EVI5: variants seen among roughly 807,000 people sequenced by gnomAD.
EVI5 encodes ecotropic viral integration site 5 protein homolog.
A neutral mutation model predicts 112.0 loss-of-function variants in EVI5; 73 were observed. The ratio of observed to expected loss-of-function variants is 0.65; its 90% confidence interval spans 0.54 to 0.79. The LOEUF (loss-of-function observed/expected upper bound fraction) is 0.79, where lower values mean the gene tolerates loss of function less well. EVI5 is among the 30% of genes least tolerant of loss of function. EVI5 has a pLI of 0.00. For missense variants in EVI5, 900 were observed against 968.8 expected, an observed-to-expected ratio of 0.93 and a Z score of 0.94; for synonymous variants, 305 against 319.9, an observed-to-expected ratio of 0.95 and a Z score of 0.50.
intron 2 of EVI5, among the ~76,000 whole-genome samples, chr1:92,715,970 G>T (rs891768007): frequency 1.3e-5 from 2 of 152,118 alleles, no homozygotes; most frequent in Non-Finnish European, 2.9e-5. Flanking sequence ...GCTCAAACTT[G>T]TCGGAGCCCA....
rs1659238082 is a variant in EVI5 at position 92,512,366 on chromosome 1, G to T, written c.*1290C>A. On this transcript the variant is annotated 3_prime_UTR_variant, in exon 20 of 20. Coordinates refer to ENST00000684568, the MANE Select transcript of EVI5 (RefSeq NM_001350197.2). ...AACCTCTTCAGTCATGAAAAATTTA[G>T]TAGTTACATACACATGAAATAAAAG... The T allele has an allele frequency of 6.6e-6, 1 of 152,366 alleles. No individual in the cohort carries two copies. Among genetic ancestry groups the T allele is most frequent in the South Asian group, 2.1e-4 (1 of 4,826 alleles). The allele number at this position is 152,366 out of a possible 1,614,324, so 9.4% of individuals were successfully genotyped here. A position where few individuals can be genotyped will look rare whatever the true frequency, so the allele number is the denominator to read the frequency against.
At chr1:92,767,753 T>C (rs1019148440) in intron 1 of EVI5, among the ~76,000 whole-genome samples, 1 of 152,234 alleles carries the variant, frequency 6.6e-6, no homozygotes, top group African/African-American at 2.4e-5. Context: ...TTTACTGTTG[T>C]AACATTCCAG....
At chr1:92,691,895 A>T (rs1669559649) in intron 9 of EVI5, among the ~76,000 whole-genome samples, 1 of 152,204 alleles carries the variant, frequency 6.6e-6, no homozygotes, top group Non-Finnish European at 1.5e-5. Context: ...ATATAGCAAA[A>T]AGGGGATGGG....
chr1:92,677,007 T>C (rs1298156214), intron 10 of EVI5, 151 bp downstream of exon 10: 1 of 568,906 alleles, frequency 1.8e-6, no homozygotes, highest in Non-Finnish European at 3.0e-6. Context: ...TTCAGTCGCA[T>C]TATTCTGCTT....
At chr1:92,646,086 C>T (rs1265776009) in intron 13 of EVI5, among the ~76,000 whole-genome samples, 1 of 152,188 alleles carries the variant, frequency 6.6e-6, no homozygotes, top group Admixed American at 6.5e-5. Flanking sequence ...CCCATAAACT[C>T]GTCTTCTACT....
intron 1 of EVI5, among the ~76,000 whole-genome samples, chr1:92,767,898 G>A (rs1475844762): frequency 6.6e-6 from 1 of 152,098 alleles, no homozygotes; most frequent in Non-Finnish European, 1.5e-5. Context: ...TGGCCAATGT[G>A]GCGAAACACT....
chr1:92,719,454 T>C (rs1407287250), intron 2 of EVI5, among the ~76,000 whole-genome samples: 1 of 152,034 alleles, frequency 6.6e-6, no homozygotes, highest in Non-Finnish European at 1.5e-5. Flanking sequence ...ACCACATGAT[T>C]ATCTCAATAG....
At chr1:92,648,190 C>CAAAAAAAAAAAAAAAAA (rs961901260) in intron 13 of EVI5, among the ~76,000 whole-genome samples, 1 of 24,068 alleles carries the variant, frequency 4.2e-5, no homozygotes, top group African/African-American at 1.9e-4. Flanking sequence ...ACTAAAAATA[C>CAAAAAAAAAAAAAAAAA]AAAAAAAAAA....
At chr1:92,694,049 G>C in intron 8 of EVI5, 150 bp from the exon 9 acceptor site, 1 of 654,364 alleles carries the variant, frequency 1.5e-6, no homozygotes, top group Non-Finnish European at 2.7e-6. Flanking sequence ...ATCACTTCAG[G>C]TCAGGAGTTC....
At chr1:92,588,721 G>GT (rs1268130509) in intron 18 of EVI5, among the ~76,000 whole-genome samples, 3 of 152,172 alleles carry the variant, frequency 2.0e-5, no homozygotes, top group African/African-American at 7.2e-5. Flanking sequence ...CAGGCACATA[G>GT]TAAGTACCCC....
intron 18 of EVI5, among the ~76,000 whole-genome samples, chr1:92,601,774 A>G (rs1367355505): frequency 6.6e-6 from 1 of 152,234 alleles, no homozygotes; most frequent in East Asian, 1.9e-4. Context: ...AAAATAATGT[A>G]ACACATTACA....
At chr1:92,752,974 A>G (rs180892235) in intron 1 of EVI5, among the ~76,000 whole-genome samples, 1 of 152,320 alleles carries the variant, frequency 6.6e-6, no homozygotes, top group African/African-American at 2.4e-5. Context: ...TCAGACAAAT[A>G]GTGAATAAAT....
At chr1:92,640,142 C>A (rs922261944) in intron 13 of EVI5, among the ~76,000 whole-genome samples, 14 of 152,162 alleles carry the variant, frequency 9.2e-5, no homozygotes, top group Admixed American at 7.2e-4. Context: ...AAATGTAAAA[C>A]CCCAAACCAT....
intron 19 of EVI5, among the ~76,000 whole-genome samples, chr1:92,548,497 G>A (rs1159342152): frequency 6.6e-6 from 1 of 152,134 alleles, no homozygotes; most frequent in East Asian, 1.9e-4. Flanking sequence ...TCTGGCCAGG[G>A]CAATCAGGCA....
chr1:92,786,219 T>C (rs1685623916), upstream of EVI5, among the ~76,000 whole-genome samples: 1 of 140,270 alleles, frequency 7.1e-6, no homozygotes, highest in African/African-American at 2.7e-5. Context: ...GGGTTTCCAC[T>C]GAACTAAGCA....
intron 1 of EVI5, among the ~76,000 whole-genome samples, chr1:92,780,917 T>C (rs1570945849): frequency 6.6e-6 from 1 of 151,190 alleles, no homozygotes; most frequent in East Asian, 2.0e-4. Context: ...AATGGCACAA[T>C]CTCGGCTCAC....
intron 16 of EVI5, among the ~76,000 whole-genome samples, chr1:92,609,655 C>T (rs1651277818): frequency 6.6e-6 from 1 of 151,680 alleles, no homozygotes; most frequent in African/African-American, 2.4e-5. Flanking sequence ...CCACTGCACC[C>T]GGGAAATTTT....
chr1:92,676,185 A>C (rs1666720946), intron 10 of EVI5, among the ~76,000 whole-genome samples: 1 of 152,026 alleles, frequency 6.6e-6, no homozygotes, highest in South Asian at 2.1e-4. Flanking sequence ...TAACATAAGA[A>C]AACTGGAGAG....
At chr1:92,762,783 A>C (rs2102998568) in intron 1 of EVI5, among the ~76,000 whole-genome samples, 2 of 152,272 alleles carry the variant, frequency 1.3e-5, no homozygotes, top group Middle Eastern at 6.8e-3. Flanking sequence ...TGCTACATCG[A>C]TGTAGTAAAA....
Sources: allele counts gnomAD v4.1 joint callset (sites outside exome capture counted in the v4.1 genomes callset), GRCh38; gene constraint gnomAD v4.1.1; transcripts MANE v1.5; gene names NCBI Gene and HGNC (gene_info 2026-07-23, HGNC 2026-07-21).